Variants in SEC13 observed in about 807,000 individuals in gnomAD.
SEC13 encodes the protein SEC13 homolog, nuclear pore and COPII component.
Under a neutral mutation model 49.2 loss-of-function variants are expected in SEC13, and 25 were observed. The observed-to-expected ratio is 0.51, with a 90% confidence interval of 0.37 to 0.71. The LOEUF is 0.71. Ranked by LOEUF, SEC13 falls within the 30% of genes least tolerant of loss-of-function variation. SEC13 has a pLI of 0.00. For missense variants in SEC13, 383 were observed against 417.6 expected, an observed-to-expected ratio of 0.92 and a Z score of 0.72; for synonymous variants, 148 against 163.9, an observed-to-expected ratio of 0.90 and a Z score of 0.74.
chr3:10,303,226 C>T (rs1454858830), intron 8 of SEC13, among the ~76,000 whole-genome samples: 1 of 152,222 alleles, frequency 6.6e-6, no homozygotes, highest in Non-Finnish European at 1.5e-5. Context: ...GGGAGAGAAG[C>T]AGCAAGGGCT....
intron 2 of SEC13, among the ~76,000 whole-genome samples, chr3:10,317,638 T>G (rs1438921754): frequency 6.6e-6 from 1 of 152,140 alleles, no homozygotes; most frequent in Non-Finnish European, 1.5e-5. Flanking sequence ...TGCCTTTGTA[T>G]TGAGTCATCT....
Position 10,305,113 on chromosome 3 carries a change from C to A in SEC13, c.628G>T (p.Ala210Ser). 1.2e-6 allele frequency: 2 copies of A among 1,614,088 alleles called. No homozygotes were observed. The highest frequency in any genetic ancestry group is 1.7e-6 in the Non-Finnish European group (2 of 1,179,982). ...ACATCTCGAACCCAGTCACTGTGCG[C>A]TTCTAGCTTCTGCTCCTCCTTCCAC... The part of the protein sequence containing the change: ...GQWKEEQKLE[A>S]HSDWVRDVAW... The change falls in exon 7 of 9, where the codon GCG (alanine) becomes TCG (serine). Residue 210 changes from alanine (A) to serine (S), a missense_variant. By Grantham distance (99) the Ala-to-Ser change is moderately conservative (BLOSUM62 1). Transcript: ENST00000350697.
rs187226145 is a variant in SEC13 at position 10,309,942 on chromosome 3, T to A, written c.450+2023A>T. ...CTTCCCCACATTGGTCTACATCTCA[T>A]CCTTCCTTTCCTGTGTCCCTATCCA... On this transcript the variant is annotated intron_variant, in intron 5 of 8. Coordinates refer to ENST00000350697, the MANE Select transcript of SEC13 (RefSeq NM_183352.3). Among the ~76,000 whole-genome samples, 6 of 152,330 alleles carry A rather than the reference T, an allele frequency of 3.9e-5. No individual in the cohort carries two copies. In the East Asian group the frequency reaches 1.2e-3, roughly 29 times the overall value.
At chr3:10,311,928 G>T in intron 5 of SEC13, 37 bp downstream of exon 5, 1 of 1,614,098 alleles carries the variant, frequency 6.2e-7, no homozygotes, top group Non-Finnish European at 8.5e-7. Flanking sequence ...GGCAAGGCAG[G>T]CGCTCTCACT....
chr3:10,316,930 G>A (rs1190742915), intron 2 of SEC13, among the ~76,000 whole-genome samples: 1 of 151,316 alleles, frequency 6.6e-6, no homozygotes, highest in East Asian at 1.9e-4. Flanking sequence ...GAACCCGGGA[G>A]GCGTAGGTTG....
At chr3:10,308,257 C>G (rs900824017) in intron 5 of SEC13, among the ~76,000 whole-genome samples, 1 of 152,194 alleles carries the variant, frequency 6.6e-6, no homozygotes, top group Non-Finnish European at 1.5e-5. Context: ...AGCCCCCAAT[C>G]GTGGTGACCA....
chr3:10,304,779 G>A (rs1456599126), intron 7 of SEC13, among the ~76,000 whole-genome samples: 2 of 152,148 alleles, frequency 1.3e-5, no homozygotes, highest in Admixed American at 1.3e-4. Context: ...TGGGTCAGAA[G>A]GGAAAATTCA....
rs369342986 is a variant in SEC13, at chr3:10,306,936, A to G, written c.451-1244T>C. On this transcript the variant is annotated intron_variant, in intron 5 of 8. Transcript: ENST00000350697. ...CTTGGGTATGTCTTTGCCAGCAGCGAGAAAACAGACTAATACAAGGTCAAA... is the reference window on the plus strand; with the variant it reads ...CTTGGGTATGTCTTTGCCAGCAGCGGGAAAACAGACTAATACAAGGTCAAA... Among the ~76,000 whole-genome samples, 9 of 152,212 alleles carry G rather than the reference A, an allele frequency of 5.9e-5. No individual in the cohort carries two copies. In the East Asian group the frequency reaches 9.6e-4, roughly 16 times the overall value.
rs892265472 is a variant in SEC13, at chr3:10,320,937, A to T, written c.3+113T>A. 6 of 1,539,332 alleles carry T rather than the reference A, an allele frequency of 3.9e-6. No homozygotes were observed. The African/African-American group carries it at 8.6e-5, about 22-fold the overall frequency. ...AGCCCCCCAAATCTCTAAGCGGTGGAGGGGAGCTGAACGGCTCCAGCTTGG... is the reference window on the plus strand; with the variant it reads ...AGCCCCCCAAATCTCTAAGCGGTGGTGGGGAGCTGAACGGCTCCAGCTTGG... On this transcript the variant is annotated intron_variant, in intron 1 of 8. Transcript: ENST00000350697.
At chr3:10,307,053 A>ATT (rs147066301) in intron 5 of SEC13, among the ~76,000 whole-genome samples, 43 of 150,454 alleles carry the variant, frequency 2.9e-4, no homozygotes, top group South Asian at 1.3e-3. Context: ...ATTATTAACA[A>ATT]TTTTTTTTTT....
chr3:10,314,783 A>G (rs1314716079), intron 3 of SEC13, among the ~76,000 whole-genome samples: 1 of 152,274 alleles, frequency 6.6e-6, no homozygotes, highest in Admixed American at 6.5e-5. Flanking sequence ...AACACGTGCC[A>G]CGGGCATATA....
intron 1 of SEC13, chr3:10,319,383 C>T (rs980351184): frequency 2.4e-6 from 3 of 1,262,606 alleles, no homozygotes; most frequent in Middle Eastern, 1.9e-4. Context: ...TTACAAAGTG[C>T]ACAGGAAGGC....
chr3:10,309,117 T>C (rs60878376), intron 5 of SEC13, among the ~76,000 whole-genome samples: 37,792 of 151,290 alleles, frequency 0.25, 5,606 homozygotes, highest in East Asian at 0.52. Context: ...TTTGTATTTT[T>C]AGTAGAGACG....
intron 5 of SEC13, among the ~76,000 whole-genome samples, chr3:10,310,092 C>T (rs1463056287): frequency 6.6e-6 from 1 of 152,202 alleles, no homozygotes; most frequent in Non-Finnish European, 1.5e-5. Flanking sequence ...TTGTGGGCCG[C>T]TTCCACTCAC....
At chr3:10,315,546 A>G (rs1277479602) in intron 2 of SEC13, 110 bp from the exon 3 acceptor site, 2 of 664,382 alleles carry the variant, frequency 3.0e-6, no homozygotes, top group East Asian at 5.5e-5. Flanking sequence ...CCTGAAATCA[A>G]TCTGATCTCA....
At chr3:10,320,793 C>T (rs2059763306) in intron 1 of SEC13, 1 of 1,323,658 alleles carries the variant, frequency 7.6e-7, no homozygotes. Flanking sequence ...AATTGTTGAC[C>T]GAAAAGAAGG....
intron 2 of SEC13, among the ~76,000 whole-genome samples, chr3:10,316,988 C>T (rs1425670682): frequency 7.9e-6 from 1 of 126,170 alleles, no homozygotes; most frequent in Non-Finnish European, 1.6e-5. Context: ...GCTACAAGAG[C>T]GAAACTCCAT....
At chr3:10,306,557 C>T (rs1180543972) in intron 5 of SEC13, among the ~76,000 whole-genome samples, 2 of 152,194 alleles carry the variant, frequency 1.3e-5, no homozygotes, top group East Asian at 1.9e-4. Context: ...CAGATAGGGA[C>T]ACTTCTTCTC....
At chr3:10,315,735 G>T (rs957048939) in intron 2 of SEC13, among the ~76,000 whole-genome samples, 1 of 151,912 alleles carries the variant, frequency 6.6e-6, no homozygotes, top group Non-Finnish European at 1.5e-5. Flanking sequence ...GAGAAAAAAA[G>T]TTGGCCTAGC....
Sources: gnomAD v4.1 joint callset for allele counts (sites outside exome capture counted in the v4.1 genomes callset) on GRCh38, gnomAD v4.1.1 for gene constraint, MANE v1.5 for transcripts, NCBI Gene and HGNC (gene_info 2026-07-23, HGNC 2026-07-21) for gene names.